EEPD1: variants seen among roughly 807,000 people sequenced by gnomAD.
The protein encoded by EEPD1 is endonuclease/exonuclease/phosphatase family domain containing 1.
In EEPD1, 17 loss-of-function variants were observed where a neutral mutation model predicts 46.3. The ratio of observed to expected loss-of-function variants is 0.37; its 90% CI spans 0.25 to 0.55. The LOEUF (loss-of-function observed/expected upper bound fraction) is 0.55. Ranked by LOEUF, EEPD1 falls within the 20% of genes least tolerant of loss-of-function variation. EEPD1 has a pLI of 0.83. For synonymous variants in EEPD1, 313 were observed against 315.6 expected, an observed-to-expected ratio of 0.99 and a Z score of 0.09; for missense variants, 673 against 745.6, an observed-to-expected ratio of 0.90 and a Z score of 1.13.
intron 3 of EEPD1, among the ~76,000 whole-genome samples, chr7:36,280,098 G>A (rs912407457): frequency 2.0e-5 from 3 of 152,184 alleles, no homozygotes; most frequent in African/African-American, 7.2e-5. Flanking sequence ...GACCAAGATG[G>A]GCACTGGGTG....
At chr7:36,255,235 T>C (rs1786808920) in intron 3 of EEPD1, among the ~76,000 whole-genome samples, 1 of 152,244 alleles carries the variant, frequency 6.6e-6, no homozygotes, top group Non-Finnish European at 1.5e-5. Context: ...TGAATGGTAT[T>C]GCCTAGGTTT....
intron 6 of EEPD1, 113 bp from the exon 7 acceptor site, chr7:36,296,880 A>T (rs1365074696): frequency 9.7e-7 from 1 of 1,033,678 alleles, no homozygotes; most frequent in Non-Finnish European, 1.4e-6. Flanking sequence ...CCACAGTACT[A>T]ACCCCATGGG....
intron 4 of EEPD1, 134 bp downstream of exon 4, chr7:36,281,359 C>G (rs1450178580): frequency 2.5e-6 from 2 of 784,724 alleles, no homozygotes; most frequent in African/African-American, 3.5e-5. Flanking sequence ...ATTTTTAAAT[C>G]CTTGCCATTC....
chr7:36,180,142 A>G (rs941326887), intron 2 of EEPD1, among the ~76,000 whole-genome samples: 2 of 152,230 alleles, frequency 1.3e-5, no homozygotes, highest in Non-Finnish European at 2.9e-5. Context: ...AATTAAGTTC[A>G]TTAATAAAGG....
At chr7:36,223,614 C>T (rs781295973) in intron 2 of EEPD1, among the ~76,000 whole-genome samples, 4 of 152,170 alleles carry the variant, frequency 2.6e-5, no homozygotes, top group Non-Finnish European at 5.9e-5. Context: ...GCAGTGCATG[C>T]TTTTAAATTA....
At chr7:36,269,997 A>G (rs1203888747) in intron 3 of EEPD1, among the ~76,000 whole-genome samples, 1 of 152,230 alleles carries the variant, frequency 6.6e-6, no homozygotes, top group Non-Finnish European at 1.5e-5. Flanking sequence ...GCCACCAAGG[A>G]GATGGCACAC....
intron 3 of EEPD1, among the ~76,000 whole-genome samples, chr7:36,264,887 A>G (rs779623645): frequency 1.3e-5 from 2 of 149,240 alleles, no homozygotes; most frequent in Non-Finnish European, 3.0e-5. Context: ...ATGAGCTGCC[A>G]CCTATAGTTC....
At chr7:36,180,407 G>A (rs906927571) in intron 2 of EEPD1, among the ~76,000 whole-genome samples, 22 of 152,078 alleles carry the variant, frequency 1.4e-4, no homozygotes, top group Non-Finnish European at 2.2e-4. Flanking sequence ...TCTCCATTCT[G>A]GGGGTAGTGG....
At chr7:36,271,280 T>C (rs937726809) in intron 3 of EEPD1, among the ~76,000 whole-genome samples, 3 of 152,178 alleles carry the variant, frequency 2.0e-5, no homozygotes, top group Non-Finnish European at 4.4e-5. Context: ...GCCTATTTCC[T>C]GACTTTTTAA....
At chr7:36,251,665 C>G (rs952681347) in intron 3 of EEPD1, among the ~76,000 whole-genome samples, 2 of 152,134 alleles carry the variant, frequency 1.3e-5, no homozygotes, top group African/African-American at 4.8e-5. Context: ...CAACCTTCAT[C>G]CCTCCTCGAC....
chr7:36,265,832 T>G (rs984780574), intron 3 of EEPD1, among the ~76,000 whole-genome samples: 1 of 152,190 alleles, frequency 6.6e-6, no homozygotes, highest in Non-Finnish European at 1.5e-5. Context: ...TAAATCAACA[T>G]GGTTTGTTTG....
chr7:36,294,076 A>G (rs2115898526), intron 6 of EEPD1, among the ~76,000 whole-genome samples: 1 of 152,318 alleles, frequency 6.6e-6, no homozygotes, highest in South Asian at 2.1e-4. Context: ...ATTTGAGTGA[A>G]AATAACTATG....
chr7:36,287,860 T>TG, intron 6 of EEPD1, 83 bp downstream of exon 6: 1 of 1,539,596 alleles, frequency 6.5e-7, no homozygotes, highest in Non-Finnish European at 8.8e-7. Flanking sequence ...TCTGACCACT[T>TG]GGGCTGGCTG....
At chr7:36,212,498 A>C (rs1490455362) in intron 2 of EEPD1, among the ~76,000 whole-genome samples, 2 of 61,162 alleles carry the variant, frequency 3.3e-5, no homozygotes, top group Non-Finnish European at 8.7e-5. Flanking sequence ...GTACATATAC[A>C]CCAGAATACA....
chr7:36,174,796 A>G (rs1007141982), intron 2 of EEPD1, among the ~76,000 whole-genome samples: 1 of 152,210 alleles, frequency 6.6e-6, no homozygotes, highest in African/African-American at 2.4e-5. Context: ...TCCATTTCTA[A>G]GATTAAAAAA....
intron 2 of EEPD1, among the ~76,000 whole-genome samples, chr7:36,169,108 C>G (rs1034106714): frequency 4.6e-5 from 7 of 152,118 alleles, no homozygotes; most frequent in African/African-American, 1.7e-4. Flanking sequence ...TTTTCTTTAT[C>G]CATTCATCAG....
chr7:36,163,436 A>C (rs551924003), intron 2 of EEPD1, among the ~76,000 whole-genome samples: 70 of 152,236 alleles, frequency 4.6e-4, no homozygotes, highest in Non-Finnish European at 8.8e-4. Context: ...ATTAACACTG[A>C]CAGTTGCTGT....
At chr7:36,175,351 C>T (rs940239511) in intron 2 of EEPD1, among the ~76,000 whole-genome samples, 83 of 152,186 alleles carry the variant, frequency 5.5e-4, no homozygotes, top group African/African-American at 2.0e-3. Flanking sequence ...CCACCTCAGC[C>T]TCCCGAGCAG....
intron 6 of EEPD1, among the ~76,000 whole-genome samples, chr7:36,293,447 G>A (rs894187375): frequency 2.0e-5 from 3 of 152,092 alleles, no homozygotes; most frequent in Admixed American, 6.6e-5. Context: ...CCAGGCCACC[G>A]GAGATGCTAA....
Sources: allele counts gnomAD v4.1 joint callset (sites outside exome capture counted in the v4.1 genomes callset), GRCh38; gene constraint gnomAD v4.1.1; transcripts MANE v1.5; gene names NCBI Gene and HGNC (gene_info 2026-07-23, HGNC 2026-07-21).